Variants in GRM1 observed in about 807,000 individuals in gnomAD.
GRM1 encodes the protein glutamate metabotropic receptor 1, also known as metabotropic glutamate receptor 1.
A neutral mutation model predicts 90.9 loss-of-function variants in GRM1; 33 were observed. The ratio of observed to expected loss-of-function variants is 0.36; its 90% CI spans 0.28 to 0.49. The LOEUF (loss-of-function observed/expected upper bound fraction) is 0.49, where lower values mean the gene tolerates loss of function less well. Among genes scored for constraint, GRM1 ranks in the 20% least tolerant of loss-of-function variants. The pLI, the probability that GRM1 is intolerant of heterozygous loss-of-function variation, is 0.99. For missense variants in GRM1, 1,190 were observed against 1,534.3 expected (o/e 0.78, Z 3.75); for synonymous variants, 700 against 613.2 (o/e 1.14, Z -2.09).
intron 2 of GRM1, among the ~76,000 whole-genome samples, chr6:146,280,089 T>C (rs1782512409): frequency 6.6e-6 from 1 of 152,166 alleles, no homozygotes; most frequent in Admixed American, 6.5e-5. Flanking sequence ...CTTTTTTCAT[T>C]CTAATTGCTC....
rs749095902 is a variant in GRM1, at chr6:146,159,361, G to A, written c.714G>A (p.Glu238=). The A allele has an allele frequency of 6.2e-7, 1 of 1,614,050 alleles. No homozygotes were observed. Among genetic ancestry groups the A allele is most frequent in the African/African-American group, 1.3e-5 (1 of 75,058 alleles). The change falls in exon 2 of 8, where the codon GAG becomes GAA. Residue 238 remains glutamate, a synonymous_variant. Transcript: ENST00000282753. ...GTTTCTGGACAGGGAATTATGGGGA[G>A]AGCGGAATGGACGCTTTCAAAGAGC... The part of the protein sequence containing the change: ...SAVHTEGNYG[E]SGMDAFKELA...
intron 1 of GRM1, among the ~76,000 whole-genome samples, chr6:146,078,232 G>A (rs151000480): frequency 4.4e-4 from 67 of 152,304 alleles, no homozygotes; most frequent in African/African-American, 1.5e-3. Flanking sequence ...TATTCAGGCT[G>A]AGATCTGCCG....
At chr6:146,278,384 A>T (rs886953975) in intron 2 of GRM1, among the ~76,000 whole-genome samples, 1 of 152,182 alleles carries the variant, frequency 6.6e-6, no homozygotes, top group African/African-American at 2.4e-5. Flanking sequence ...AATTAAGTTC[A>T]TGCTTGTTCT....
Position 146,434,894 on chromosome 6 carries a change from G to A in GRM1, c.*98G>A. 9.4e-7 allele frequency: 1 copy of A among 1,062,124 alleles called. No individual in the cohort carries two copies. The highest frequency in any genetic ancestry group is 1.3e-5 in the South Asian group (1 of 77,620). 65.8% of individuals were successfully genotyped at this position (1,062,124 alleles called of 1,614,324 possible). On this transcript the variant is annotated 3_prime_UTR_variant, in exon 8 of 8. Coordinates refer to ENST00000282753, the MANE Select transcript of GRM1 (RefSeq NM_001278064.2). ...GGGAGGAAAAGCCTGGGAGTGGGGG[G>A]CCTCGTCGGGAGGACAGGAGACCGC...
intron 1 of GRM1, among the ~76,000 whole-genome samples, chr6:146,081,288 A>G (rs1236199918): frequency 6.6e-6 from 1 of 152,234 alleles, no homozygotes; most frequent in Non-Finnish European, 1.5e-5. Flanking sequence ...TTATTTCAAA[A>G]TAACAAGTTA....
At chr6:146,366,936 T>C (rs1285226386) in intron 5 of GRM1, among the ~76,000 whole-genome samples, 1 of 152,208 alleles carries the variant, frequency 6.6e-6, no homozygotes, top group Admixed American at 6.6e-5. Context: ...TTGCTTTTGT[T>C]GCCTGTGCTT....
At chr6:146,201,070 G>A (rs540204418) in intron 2 of GRM1, among the ~76,000 whole-genome samples, 13 of 152,262 alleles carry the variant, frequency 8.5e-5, no homozygotes, top group African/African-American at 3.1e-4. Flanking sequence ...GAAAGGTCTT[G>A]CATTTTCAAA....
At chr6:146,126,131 T>G in intron 1 of GRM1, among the ~76,000 whole-genome samples, 1 of 152,080 alleles carries the variant, frequency 6.6e-6, no homozygotes, top group East Asian at 1.9e-4. Context: ...GGATCAAACG[T>G]TGACCAAAAT....
chr6:146,175,514 G>A (rs898842653), intron 2 of GRM1, among the ~76,000 whole-genome samples: 4 of 152,088 alleles, frequency 2.6e-5, no homozygotes, highest in African/African-American at 9.7e-5. Context: ...TGGGTTTATT[G>A]TGTTTTCCAT....
intron 2 of GRM1, among the ~76,000 whole-genome samples, chr6:146,252,975 A>G (rs9497509): frequency 0.21 from 31,660 of 150,202 alleles, 7,304 homozygotes; most frequent in African/African-American, 0.58. Flanking sequence ...CAACAGAATC[A>G]CTTGAACCCG....
At chr6:146,423,026 G>C (rs774151992) in intron 7 of GRM1, among the ~76,000 whole-genome samples, 33 of 151,250 alleles carry the variant, frequency 2.2e-4, no homozygotes, top group Non-Finnish European at 4.1e-4. Context: ...GGAGAGAAGG[G>C]AAAAGAAGAG....
chr6:146,035,715 AT>A (rs1313787074), intron 1 of GRM1, among the ~76,000 whole-genome samples: 2 of 152,030 alleles, frequency 1.3e-5, no homozygotes, highest in African/African-American at 2.4e-5. Flanking sequence ...TGTTAAAAAA[AT>A]ATAAGGCCAT....
At chr6:146,156,971 T>C (rs1777547286) in intron 1 of GRM1, among the ~76,000 whole-genome samples, 1 of 152,212 alleles carries the variant, frequency 6.6e-6, no homozygotes, top group South Asian at 2.1e-4. Flanking sequence ...TGTTAAAGTG[T>C]CTATAAATGG....
intron 7 of GRM1, among the ~76,000 whole-genome samples, chr6:146,415,285 C>A (rs1583466920): frequency 6.6e-6 from 1 of 152,286 alleles, no homozygotes; most frequent in East Asian, 1.9e-4. Context: ...GAAGCCTCTA[C>A]CCTCATGACC....
intron 7 of GRM1, among the ~76,000 whole-genome samples, chr6:146,412,448 A>G (rs557989808): frequency 1.3e-5 from 2 of 152,122 alleles, no homozygotes; most frequent in South Asian, 4.1e-4. Context: ...TTTTTTTTGT[A>G]GAGTTCAGTT....
intron 1 of GRM1, among the ~76,000 whole-genome samples, chr6:146,154,570 T>G (rs1343822709): frequency 1.3e-5 from 2 of 152,212 alleles, no homozygotes; most frequent in Non-Finnish European, 2.9e-5. Context: ...AATGCATTAA[T>G]TTGATCATTT....
chr6:146,104,207 G>A (rs1166086193), intron 1 of GRM1, among the ~76,000 whole-genome samples: 21 of 152,142 alleles, frequency 1.4e-4, no homozygotes, highest in African/African-American at 5.1e-4. Context: ...TTGGGAGGCC[G>A]AGGCGGGCGG....
chr6:146,118,946 G>A (rs900467290), intron 1 of GRM1, among the ~76,000 whole-genome samples: 2 of 152,156 alleles, frequency 1.3e-5, no homozygotes, highest in African/African-American at 4.8e-5. Flanking sequence ...AATCCTTTGG[G>A]TATATACCCA....
chr6:146,044,757 A>G (rs1419355787), intron 1 of GRM1, among the ~76,000 whole-genome samples: 3 of 151,940 alleles, frequency 2.0e-5, no homozygotes, highest in Non-Finnish European at 4.4e-5. Flanking sequence ...TTTAAAAGTA[A>G]AATCTTACTT....
Sources: gnomAD v4.1 joint callset for allele counts (sites outside exome capture counted in the v4.1 genomes callset) on GRCh38, gnomAD v4.1.1 for gene constraint, MANE v1.5 for transcripts, NCBI Gene and HGNC (gene_info 2026-07-23, HGNC 2026-07-21) for gene names.